STK32A: variants seen among roughly 807,000 people sequenced by gnomAD.
STK32A encodes serine/threonine-protein kinase 32A.
Under a neutral mutation model 53.2 loss-of-function variants are expected in STK32A, and 41 were observed. That is an observed-to-expected ratio of 0.77 (90% confidence interval 0.60 to 1.00). The LOEUF (loss-of-function observed/expected upper bound fraction) is 1.00, where lower values mean the gene tolerates loss of function less well. STK32A is among the 50% of genes least tolerant of loss of function. The pLI is 0.00. For synonymous variants in STK32A, 166 were observed against 162.8 expected (o/e 1.02, Z -0.15); for missense variants, 458 against 485.8 (o/e 0.94, Z 0.54).
intron 7 of STK32A, among the ~76,000 whole-genome samples, chr5:147,358,081 GT>G (rs1267416007): frequency 4.6e-5 from 7 of 151,920 alleles, no homozygotes; most frequent in Admixed American, 6.6e-5. Context: ...ATAGATTAGT[GT>G]TGGGTCCCTT....
chr5:147,270,758 T>A (rs1319646333), intron 2 of STK32A, among the ~76,000 whole-genome samples: 2 of 152,228 alleles, frequency 1.3e-5, no homozygotes, highest in Non-Finnish European at 2.9e-5. Context: ...CTTTTTCACT[T>A]GTCAGATGAA....
intron 2 of STK32A, among the ~76,000 whole-genome samples, chr5:147,260,107 CCT>C (rs1364594584): frequency 1.5e-5 from 2 of 137,704 alleles, no homozygotes; most frequent in African/African-American, 5.5e-5. Flanking sequence ...GTCTCTGTCT[CCT>C]CTCTGTCCCT....
intron 2 of STK32A, among the ~76,000 whole-genome samples, chr5:147,260,218 TCTCTCTCTC>T (rs1754479969): frequency 1.1e-5 from 1 of 88,634 alleles, no homozygotes; most frequent in Non-Finnish European, 2.4e-5. Context: ...CTCTCCTCTC[TCTCTCTCTC>T]CTCTCTGTCT....
chr5:147,398,685 G>A, the STK32A span, among the ~76,000 whole-genome samples: 2,352 of 152,148 alleles, frequency 0.015, 63 homozygotes, highest in African/African-American at 0.054. Flanking sequence ...ATCATTGCAC[G>A]CCCTGACTTC....
chr5:147,314,503 AAAACAAAAAAAAACAAAAAAAAAC>A (rs767089385), intron 4 of STK32A, among the ~76,000 whole-genome samples: 4,255 of 38,244 alleles, frequency 0.11, 354 homozygotes, highest in African/African-American at 0.26. Flanking sequence ...CATATCAAAA[AAAACAAAAAAAAACAAAAAAAAAC>A]AAAAAAAAAA....
chr5:147,257,786 G>T (rs1754302477), intron 2 of STK32A, among the ~76,000 whole-genome samples: 1 of 152,106 alleles, frequency 6.6e-6, no homozygotes, highest in South Asian at 2.1e-4. Context: ...AATTCTAGGG[G>T]TGGTACCTGT....
At chr5:147,379,019 G>A (rs762017616) in intron 11 of STK32A, among the ~76,000 whole-genome samples, 29 of 151,656 alleles carry the variant, frequency 1.9e-4, no homozygotes, top group Non-Finnish European at 4.1e-4. Flanking sequence ...ACTTTAGGCA[G>A]TATGGCCATT....
chr5:147,366,102 C>G (rs1756731183), intron 8 of STK32A, among the ~76,000 whole-genome samples: 2 of 152,058 alleles, frequency 1.3e-5, no homozygotes, highest in South Asian at 4.1e-4. Flanking sequence ...CGCCCACTCC[C>G]CACAACAAAC....
At chr5:147,377,888 C>A (rs563494856) in intron 11 of STK32A, among the ~76,000 whole-genome samples, 2 of 152,144 alleles carry the variant, frequency 1.3e-5, no homozygotes, top group East Asian at 1.9e-4. Flanking sequence ...CTGCTTACAT[C>A]AGCATTTTTC....
intron 2 of STK32A, among the ~76,000 whole-genome samples, chr5:147,264,598 A>G (rs962650464): frequency 2.6e-5 from 4 of 152,244 alleles, no homozygotes; most frequent in Admixed American, 2.0e-4. Flanking sequence ...GAAATACCGA[A>G]TATTGATCTA....
intron 8 of STK32A, among the ~76,000 whole-genome samples, chr5:147,367,023 G>T (rs969328633): frequency 6.6e-6 from 1 of 151,704 alleles, no homozygotes; most frequent in East Asian, 1.9e-4. Flanking sequence ...TTCATTAAAG[G>T]TAAAGTATGT....
chr5:147,280,078 A>C (rs1375096205), intron 4 of STK32A, among the ~76,000 whole-genome samples: 4 of 152,144 alleles, frequency 2.6e-5, no homozygotes, highest in Admixed American at 6.5e-5. Flanking sequence ...AGTGAAATAC[A>C]CGGGGAGAAG....
downstream of STK32A, chr5:147,391,942 T>A (rs925149454): frequency 6.6e-6 from 1 of 152,080 alleles, no homozygotes; most frequent in African/African-American, 2.4e-5. Flanking sequence ...CACAGAGAGG[T>A]TGTGCAGAGA....
At chr5:147,275,212 T>G (rs1755201059) in intron 2 of STK32A, among the ~76,000 whole-genome samples, 1 of 152,148 alleles carries the variant, frequency 6.6e-6, no homozygotes, top group Non-Finnish European at 1.5e-5. Context: ...CTTTCTGATT[T>G]TGTTTGAATT....
rs58442395 is a variant in STK32A at position 147,259,541 on chromosome 5, C to CT, written c.53-18571dup. ...GTTATAGGTTTTAAATTTACCCTGG[C>CT]TTTTTTTTTTTTATTATTATACTTT... is the stretch of plus-strand genomic sequence containing the variant. On this transcript the variant is annotated intron_variant, in intron 2 of 12. Coordinates refer to ENST00000397936, the MANE Select transcript of STK32A (RefSeq NM_001112724.2). Among the ~76,000 whole-genome samples the CT allele has an allele frequency of 3.5e-3, 511 of 147,868 alleles. 2 individuals carry two copies. The highest frequency in any genetic ancestry group is 0.011 in the African/African-American group (452 of 40,570).
At chr5:147,267,898 C>A (rs1045861060) in intron 2 of STK32A, among the ~76,000 whole-genome samples, 11 of 152,168 alleles carry the variant, frequency 7.2e-5, no homozygotes, top group Admixed American at 7.2e-4. Flanking sequence ...CTGAAGCTTT[C>A]TTATTTTCTA....
At chr5:147,257,418 T>C (rs1041144957) in intron 2 of STK32A, among the ~76,000 whole-genome samples, 1 of 152,140 alleles carries the variant, frequency 6.6e-6, no homozygotes, top group African/African-American at 2.4e-5. Context: ...CCACAGGGTA[T>C]AACAAGGCAA....
chr5:147,383,519 G>A lies in STK32A; in HGVS notation c.1097+14G>A. 3 of 1,574,158 alleles carry A rather than the reference G, an allele frequency of 1.9e-6. No individual in the cohort carries two copies. The highest frequency in any genetic ancestry group is 1.8e-5 in the Admixed American group (1 of 54,946). ...CAACAGAGAAAAGTAAGTAATTCCT[G>A]GGAGAACAACAGCCCCAGAAATGGT... On this transcript the variant is annotated intron_variant, in intron 12 of 12. Coordinates refer to ENST00000397936, the MANE Select transcript of STK32A (RefSeq NM_001112724.2).
At chr5:147,318,729 C>T (rs1253687453) in intron 4 of STK32A, among the ~76,000 whole-genome samples, 1 of 150,544 alleles carries the variant, frequency 6.6e-6, no homozygotes, top group African/African-American at 2.5e-5. Context: ...TGAGCTATGA[C>T]TGTGCCACTG....
Sources: allele counts gnomAD v4.1 joint callset (sites outside exome capture counted in the v4.1 genomes callset), GRCh38; gene constraint gnomAD v4.1.1; transcripts MANE v1.5; gene names NCBI Gene and HGNC (gene_info 2026-07-23, HGNC 2026-07-21).